The following FUT1 variants were observed in gnomAD, a reference collection of about 807,000 sequenced individuals.
FUT1 encodes the protein fucosyltransferase 1 (H blood group).
For missense variants in FUT1, 476 were observed against 492.7 expected, an observed-to-expected ratio of 0.97 and a Z score of 0.32; for synonymous variants, 215 against 208.7, an observed-to-expected ratio of 1.03 and a Z score of -0.26.
At position 48,750,334 on chromosome 19, in the gene FUT1, G is replaced by A. The variant is rs104894686; in HGVS notation, c.948C>T (p.Tyr316=). ...GGTAGACAGTGTCTCCGCCAGCCAGGTAGGCAGCCCAGAAGCCGAAGGTGC... is the reference window on the plus strand; with the variant it reads ...GGTAGACAGTGTCTCCGCCAGCCAGATAGGCAGCCCAGAAGCCGAAGGTGC... ...TIGTFGFWAA[Y]LAGGDTVYLA... is the part of the protein sequence containing the mutation. The change falls in exon 2 of 2, where the codon TAC becomes TAT. Residue 316 remains tyrosine (Y), a synonymous_variant. Transcript: ENST00000645652. The A allele has an allele frequency of 1.2e-6, 2 of 1,614,234 alleles. No individual in the cohort carries two copies. The highest frequency in any genetic ancestry group is 1.7e-6 in the Non-Finnish European group (2 of 1,180,050).
In FUT1 at chr19:48,749,294, AAAT is replaced by A. The variant is rs1248975242; in HGVS notation, c.*887_*889del. 2 of 143,182 alleles carry A rather than the reference AAAT, an allele frequency of 1.4e-5. No individual in the cohort carries two copies. Among genetic ancestry groups the A allele is most frequent in the African/African-American group, 5.1e-5 (2 of 38,964 alleles). 8.9% of individuals were successfully genotyped at this position (143,182 alleles called of 1,614,324 possible). A position where few individuals can be genotyped will look rare whatever the true frequency, so the allele number is the denominator to read the frequency against. ...CTACAGAGCAAGACTCCGTCTCAATAAATAAATAAATAAATAAATAATTAAAAA... is the reference window on the plus strand; with the variant it reads ...CTACAGAGCAAGACTCCGTCTCAATAAAATAAATAAATAAATAATTAAAAA... On this transcript the variant is annotated 3_prime_UTR_variant, in exon 2 of 2. Coordinates refer to ENST00000645652, the MANE Select transcript of FUT1 (RefSeq NM_001384359.1).
In FUT1 at chr19:48,749,807, A is replaced by G. The variant is rs2033966161; in HGVS notation, c.*377T>C. ...GGTGAATGCTTGCTCTGGAGCAATC[A>G]TATGCTCCTTCAGTCTTTGGAGGAC... On this transcript the variant is annotated 3_prime_UTR_variant, in exon 2 of 2. Coordinates refer to ENST00000645652, the MANE Select transcript of FUT1 (RefSeq NM_001384359.1). The G allele has an allele frequency of 3.2e-6, 1 of 309,154 alleles. No individual in the cohort carries two copies. Among genetic ancestry groups the G allele is most frequent in the African/African-American group, 2.2e-5 (1 of 46,238 alleles). The allele number at this position is 309,154 out of a possible 1,614,324, so 19.2% of individuals were successfully genotyped here. A position where few individuals can be genotyped will look rare whatever the true frequency, so the allele number is the denominator to read the frequency against.
In FUT1 at chr19:48,750,758, T is replaced by A; in HGVS notation, c.524A>T (p.His175Leu). The A allele has an allele frequency of 6.2e-7, 1 of 1,613,796 alleles. No homozygotes were observed. The highest frequency in any genetic ancestry group is 8.5e-7 in the Non-Finnish European group (1 of 1,179,964). Residue 175 changes from histidine (H) to leucine (L), a missense_variant, in exon 2 of 2, where the codon CAC (histidine) becomes CTC (leucine). By Grantham distance (99) the His-to-Leu change is moderately conservative (BLOSUM62 -3). Coordinates refer to ENST00000645652, the MANE Select transcript of FUT1 (RefSeq NM_001384359.1). ...SGFPCSWTFF[H>L]HLREQIRREF... ...TCTGCGGATCTGTTCCCGGAGATGG[T>A]GGAAGAAAGTCCAAGAGCAGGGGAA...
rs765667467 is a variant in FUT1 at position 48,750,828 on chromosome 19, C to T, written c.454G>A (p.Glu152Lys). The T allele has an allele frequency of 1.9e-6, 3 of 1,613,772 alleles. No individual in the cohort carries two copies. Among genetic ancestry groups the T allele is most frequent in the Non-Finnish European group, 2.5e-6 (3 of 1,179,990 alleles). ...GGATCTCTCAAGTCCGCGTACTCCT[C>T]CGACATCCAGTCGTGAAGCTGCAGC... ...RELQLHDWMS[E>K]EYADLRDPFL... Residue 152 changes from glutamate to lysine, a missense_variant, in exon 2 of 2, where the codon GAG (glutamate) becomes AAG (lysine). Physicochemically the swap from Glu to Lys is moderately conservative, Grantham distance 56. Transcript: ENST00000645652.
At chr19:48,753,840 T>G (rs1293385276), upstream of FUT1, among the ~76,000 whole-genome samples, 1 of 152,196 alleles carries the variant, frequency 6.6e-6, no homozygotes, top group Non-Finnish European at 1.5e-5. Flanking sequence ...AGGCAGCATA[T>G]GTCAGCGTTT....
chr19:48,750,413 G>A lies in FUT1; in HGVS notation c.869C>T (p.Pro290Leu), dbSNP rs138938610. The change falls in exon 2 of 2, where the codon CCG becomes CTG. Residue 290 changes from proline to leucine, a missense_variant. By Grantham distance (98) the Pro-to-Leu change is moderately conservative. Transcript: ENST00000645652. ...TFAGDGQEAT[P>L]WKDFALLTQC... ...TGTGAGCAGGGCAAAGTCTTTCCACGGTGTAGCCTCCTGTCCATCGCCAGC... is the reference window on the plus strand; with the variant it reads ...TGTGAGCAGGGCAAAGTCTTTCCACAGTGTAGCCTCCTGTCCATCGCCAGC... The A allele has an allele frequency of 8.1e-6, 13 of 1,614,090 alleles. No individual in the cohort carries two copies. The African/African-American group carries it at 1.6e-4, about 20-fold the overall frequency.
chr19:48,753,649 A>T (rs974494725), upstream of FUT1: 10 of 154,160 alleles, frequency 6.5e-5, no homozygotes, highest in African/African-American at 2.4e-4. Flanking sequence ...GACCACTACC[A>T]TCAAGACGCA....
In FUT1 at chr19:48,750,590, C is replaced by T. The variant is rs376911171; in HGVS notation, c.692G>A (p.Arg231His). 4 of 1,611,182 alleles carry T rather than the reference C, an allele frequency of 2.5e-6. No homozygotes were observed. Among genetic ancestry groups the T allele is most frequent in the Non-Finnish European group, 3.4e-6 (4 of 1,180,018 alleles). The change falls in exon 2 of 2, where the codon CGC becomes CAC. Residue 231 changes from arginine to histidine, a missense_variant. Physicochemically the swap from Arg to His is conservative, Grantham distance 29. Transcript: ENST00000645652. ...RGDYLQVMPQ[R>H]WKGVVGDSAY... ...GCTGTCGCCCACCACACCCTTCCAG[C>T]GCTGAGGCATAACCTGCAGATAGTC... is the stretch of plus-strand genomic sequence containing the variant.
rs532351931 is a variant in FUT1 at position 48,748,696 on chromosome 19, G to C, written c.*1488C>G. ...AAGTCTTTGAGGGGCTGTGGGGCTT[G>C]TTGGACAGAGTCCCGCTCTGCTCAC... On this transcript the variant is annotated 3_prime_UTR_variant, in exon 2 of 2. Transcript: ENST00000645652. The C allele has an allele frequency of 3.3e-5, 5 of 152,482 alleles. No individual in the cohort carries two copies. In the South Asian group the frequency reaches 8.3e-4, roughly 25 times the overall value. The allele number at this position is 152,482 out of a possible 1,614,324, so 9.4% of individuals were successfully genotyped here.
rs147909907 is a variant in FUT1 at position 48,751,203 on chromosome 19, T to C, written c.79A>G (p.Ile27Val). Residue 27 changes from isoleucine (I) to valine (V), a missense_variant, in exon 2 of 2, where the codon ATC (isoleucine) becomes GTC (valine). Transcript: ENST00000645652. ...CCATGTGGAAAGCTGTCTTGATGGA[T>C]ATGGAGGAAGAAGATTACAGAGAGG... Reference protein sequence around the residue: ...CVLSVIFFLHIHQDSFPHGLG... With the variant: ...CVLSVIFFLHVHQDSFPHGLG... The C allele has an allele frequency of 1.9e-6, 3 of 1,613,674 alleles. No individual in the cohort carries two copies. The highest frequency in any genetic ancestry group is 2.5e-6 in the Non-Finnish European group (3 of 1,179,968).
rs747696745 is a variant in FUT1 at position 48,750,760 on chromosome 19, G to T, written c.522C>A (p.Phe174Leu). ...LSGFPCSWTF[F>L]HHLREQIRRE... ...TGCGGATCTGTTCCCGGAGATGGTG[G>T]AAGAAAGTCCAAGAGCAGGGGAAGC... The change falls in exon 2 of 2, where the codon TTC becomes TTA. Residue 174 changes from phenylalanine (F) to leucine (L), a missense_variant. Transcript: ENST00000645652. The T allele has an allele frequency of 2.5e-6, 4 of 1,613,940 alleles. No individual in the cohort carries two copies. The East Asian group carries it at 6.7e-5, about 27-fold the overall frequency.
Position 48,750,238 on chromosome 19 carries a change from C to A in FUT1, c.1044G>T (p.Glu348Asp). ...ACAAGTCTGCATTAATGCCCACCCA[C>A]TCGGGCAGGAAGGCCGCCTCCGGCT... ...IFKPEAAFLP[E>D]WVGINADLSP... Residue 348 changes from glutamate to aspartate, a missense_variant, in exon 2 of 2, where the codon GAG becomes GAT. Physicochemically the swap from Glu to Asp is conservative, Grantham distance 45. Transcript: ENST00000645652. 1.2e-6 allele frequency: 2 copies of A among 1,613,368 alleles called. No homozygotes were observed. The highest frequency in any genetic ancestry group is 1.7e-6 in the Non-Finnish European group (2 of 1,179,688).
Position 48,750,598 on chromosome 19 carries a change from C to T in FUT1, c.684G>A (p.Met228Ile). 1.9e-6 allele frequency: 3 copies of T among 1,611,356 alleles called. No individual in the cohort carries two copies. The highest frequency in any genetic ancestry group is 2.5e-6 in the Non-Finnish European group (3 of 1,179,990). The stretch of plus-strand genomic sequence containing the variant: ...CCACCACACCCTTCCAGCGCTGAGG[C>T]ATAACCTGCAGATAGTCCCCACGGC... ...HVRRGDYLQV[M>I]PQRWKGVVGD... Residue 228 changes from methionine to isoleucine, a missense_variant, in exon 2 of 2, where the codon ATG becomes ATA. Coordinates refer to ENST00000645652, the MANE Select transcript of FUT1 (RefSeq NM_001384359.1).
upstream of FUT1, among the ~76,000 whole-genome samples, chr19:48,753,815 C>G (rs1225094967): frequency 6.6e-6 from 1 of 152,068 alleles, no homozygotes; most frequent in African/African-American, 2.4e-5. Context: ...TTTAGGCAGC[C>G]GAAGCAGAAA....
chr19:48,753,325 C>G (rs1265505779), upstream of FUT1: 1 of 152,392 alleles, frequency 6.6e-6, no homozygotes, highest in Non-Finnish European at 1.5e-5. Context: ...CTTTCCAGAC[C>G]TGCACTGCAC....
rs777291875 is a variant in FUT1 at position 48,750,302 on chromosome 19, T to C, written c.980A>G (p.Asn327Ser). 2.5e-6 allele frequency: 4 copies of C among 1,614,052 alleles called. No homozygotes were observed. The highest frequency in any genetic ancestry group is 2.7e-5 in the African/African-American group (2 of 74,932). Residue 327 changes from asparagine to serine, a missense_variant, in exon 2 of 2, where the codon AAC becomes AGC. Coordinates refer to ENST00000645652, the MANE Select transcript of FUT1 (RefSeq NM_001384359.1). ...GAACTCAGAGTCTGGCAGGGTGAAG[T>C]TGGCCAGGTAGACAGTGTCTCCGCC... is the stretch of plus-strand genomic sequence containing the variant. ...LAGGDTVYLA[N>S]FTLPDSEFLK...
chr19:48,750,361 A>C lies in FUT1; in HGVS notation c.921T>G (p.Ile307Met). The change falls in exon 2 of 2, where the codon ATT becomes ATG. Residue 307 changes from isoleucine to methionine, a missense_variant. By Grantham distance (10) the Ile-to-Met change is conservative. Coordinates refer to ENST00000645652, the MANE Select transcript of FUT1 (RefSeq NM_001384359.1). The part of the protein sequence containing the change: ...LTQCNHTIMT[I>M]GTFGFWAAYL... ...AGGCAGCCCAGAAGCCGAAGGTGCCAATGGTCATAATGGTGTGGTTGCACT... is the reference window on the plus strand; with the variant it reads ...AGGCAGCCCAGAAGCCGAAGGTGCCCATGGTCATAATGGTGTGGTTGCACT... The C allele has an allele frequency of 6.2e-7, 1 of 1,614,202 alleles. No individual in the cohort carries two copies. The highest frequency in any genetic ancestry group is 8.5e-7 in the Non-Finnish European group (1 of 1,180,040).
At chr19:48,752,877 C>A (rs575962837), upstream of FUT1, 149 of 985,616 alleles carry the variant, frequency 1.5e-4, 1 homozygote, top group African/African-American at 2.5e-3. This position sits in a 1 kb window ranked among gnomAD's most constrained non-coding sequence, Gnocchi z 4.3. Flanking sequence ...GAAGGCTTCA[C>A]CCAGGGCAGG....
upstream of FUT1, among the ~76,000 whole-genome samples, chr19:48,754,192 A>G (rs1196311665): frequency 6.6e-6 from 1 of 151,982 alleles, no homozygotes; most frequent in East Asian, 1.9e-4. Context: ...CCTCAAAAAA[A>G]AAAAAAAAAA....
Sources: allele counts gnomAD v4.1 joint callset (sites outside exome capture counted in the v4.1 genomes callset), GRCh38; gene constraint gnomAD v4.1.1; non-coding constraint Gnocchi (gnomAD v3.1); transcripts MANE v1.5; gene names NCBI Gene and HGNC (gene_info 2026-07-23, HGNC 2026-07-21).